The following ULK4 variants were observed in gnomAD, a reference collection of about 807,000 sequenced individuals.
ULK4 encodes inactive serine/threonine-protein kinase ULK4.
Under a neutral mutation model 160.6 loss-of-function variants are expected in ULK4, and 133 were observed. The observed-to-expected ratio is 0.83, with a 90% CI of 0.72 to 0.96. The LOEUF (loss-of-function observed/expected upper bound fraction) is 0.96, where lower values mean the gene tolerates loss of function less well. ULK4 is among the 40% of genes least tolerant of loss of function. ULK4 has a pLI of 0.00. For synonymous variants in ULK4, 534 were observed against 539.8 expected (o/e 0.99, Z 0.15); for missense variants, 1,580 against 1,499.5 (o/e 1.05, Z -0.89).
intron 5 of ULK4, among the ~76,000 whole-genome samples, chr3:41,923,803 C>A (rs941848841): frequency 6.6e-6 from 1 of 152,194 alleles, no homozygotes; most frequent in Non-Finnish European, 1.5e-5. Context: ...AAACTCTTTT[C>A]ATAAATCAGC....
intron 22 of ULK4, among the ~76,000 whole-genome samples, chr3:41,750,995 A>C (rs1193679785): frequency 4.2e-5 from 5 of 118,942 alleles, no homozygotes; most frequent in African/African-American, 1.6e-4. Context: ...AAAGAGAGAG[A>C]GAGAGGAAGG....
rs775672362 is a variant in ULK4, at chr3:41,715,518, T to C, written c.2506A>G (p.Thr836Ala). Residue 836 changes from threonine to alanine, a missense_variant, in exon 24 of 37, where the codon ACA becomes GCA. Transcript: ENST00000301831. ...ANVSGRKHPS[T>A]VQVKQLKLCL... ...AACTTCAGCTGTTTCACTTGAACTGTTGATGGGTGTTTACGTCCAGAAACA... is the reference window on the plus strand; with the variant it reads ...AACTTCAGCTGTTTCACTTGAACTGCTGATGGGTGTTTACGTCCAGAAACA... 1.2e-6 allele frequency: 2 copies of C among 1,614,014 alleles called. No homozygotes were observed. Among genetic ancestry groups the C allele is most frequent in the Non-Finnish European group, 8.5e-7 (1 of 1,180,002 alleles).
intron 32 of ULK4, among the ~76,000 whole-genome samples, chr3:41,530,803 T>C (rs2086282034): frequency 6.6e-6 from 1 of 152,106 alleles, no homozygotes; most frequent in African/African-American, 2.4e-5. Context: ...CTCGCTCTGT[T>C]GCCAGGCTGG....
intron 35 of ULK4, among the ~76,000 whole-genome samples, chr3:41,371,467 T>C (rs1007524196): frequency 4.6e-5 from 7 of 152,190 alleles, no homozygotes; most frequent in African/African-American, 1.7e-4. Context: ...CAATCTTTGC[T>C]GTTCTGCAGC....
At chr3:41,447,704 T>C (rs934382646) in intron 34 of ULK4, among the ~76,000 whole-genome samples, 9 of 152,160 alleles carry the variant, frequency 5.9e-5, no homozygotes, top group African/African-American at 9.7e-5. Flanking sequence ...GGTTTTTATG[T>C]ATTGCGGTGG....
chr3:41,672,491 A>G (rs1431313289), intron 29 of ULK4, among the ~76,000 whole-genome samples: 2 of 152,184 alleles, frequency 1.3e-5, no homozygotes, highest in Non-Finnish European at 2.9e-5. Flanking sequence ...GGAAGCCAAA[A>G]AAGTTTCTCT....
chr3:41,950,713 T>C (rs1293332415), intron 2 of ULK4, among the ~76,000 whole-genome samples: 1 of 151,852 alleles, frequency 6.6e-6, no homozygotes, highest in Non-Finnish European at 1.5e-5. Flanking sequence ...TTAACAAATG[T>C]ACAATCGAAA....
At chr3:41,614,226 G>A (rs1460110137) in intron 31 of ULK4, among the ~76,000 whole-genome samples, 2 of 152,136 alleles carry the variant, frequency 1.3e-5, no homozygotes, top group African/African-American at 4.8e-5. Context: ...ACAGCAAAAG[G>A]ATGAATCATG....
intron 30 of ULK4, among the ~76,000 whole-genome samples, chr3:41,637,021 T>C (rs544658549): frequency 6.6e-6 from 1 of 152,210 alleles, no homozygotes; most frequent in African/African-American, 2.4e-5. Context: ...GTATACATCA[T>C]GGAATGGCTA....
intron 35 of ULK4, among the ~76,000 whole-genome samples, chr3:41,323,279 A>G (rs1299321863): frequency 1.3e-5 from 2 of 152,084 alleles, no homozygotes; most frequent in East Asian, 3.9e-4. Flanking sequence ...CACACACGTC[A>G]AAGGCATATT....
chr3:41,256,796 A>G (rs2078844027), intron 35 of ULK4, among the ~76,000 whole-genome samples: 1 of 152,240 alleles, frequency 6.6e-6, no homozygotes, highest in Admixed American at 6.5e-5. Flanking sequence ...ATAGACTTGG[A>G]GAAAATATTT....
intron 30 of ULK4, among the ~76,000 whole-genome samples, chr3:41,627,879 G>T (rs1263649796): frequency 6.6e-6 from 1 of 152,114 alleles, no homozygotes; most frequent in Non-Finnish European, 1.5e-5. Context: ...ATGTGGGGAG[G>T]GGCAGGCATG....
chr3:41,808,141 T>G (rs566243937), intron 19 of ULK4, among the ~76,000 whole-genome samples: 1 of 152,290 alleles, frequency 6.6e-6, no homozygotes, highest in East Asian at 1.9e-4. Flanking sequence ...AGAGATAAGC[T>G]GTATCCTCTA....
intron 35 of ULK4, among the ~76,000 whole-genome samples, chr3:41,299,601 A>G (rs1381025250): frequency 6.6e-6 from 1 of 152,192 alleles, no homozygotes; most frequent in Non-Finnish European, 1.5e-5. Context: ...TGATTTGTTA[A>G]TGCTGCAATA....
chr3:41,800,061 T>G, intron 20 of ULK4, 71 bp downstream of exon 20: 1 of 1,307,380 alleles, frequency 7.6e-7, no homozygotes, highest in Middle Eastern at 2.5e-4. Flanking sequence ...TTTATTCTTA[T>G]TCTAATATTT....
intron 21 of ULK4, among the ~76,000 whole-genome samples, chr3:41,781,010 G>A (rs1039295432): frequency 2.0e-5 from 3 of 151,972 alleles, no homozygotes; most frequent in Admixed American, 6.6e-5. Flanking sequence ...AGAAAGAGAA[G>A]ATAGAGGCAG....
At chr3:41,617,561 AAAC>A (rs1481404165) in intron 30 of ULK4, among the ~76,000 whole-genome samples, 2 of 149,954 alleles carry the variant, frequency 1.3e-5, no homozygotes, top group African/African-American at 2.5e-5. Flanking sequence ...AACAAACAGA[AAAC>A]AACAACATCA....
chr3:41,371,578 C>T (rs1048628678), intron 35 of ULK4, among the ~76,000 whole-genome samples: 17 of 152,190 alleles, frequency 1.1e-4, no homozygotes, highest in Admixed American at 1.0e-3. Flanking sequence ...GAAAAACTAA[C>T]AAACAGAAAG....
chr3:41,637,667 A>G (rs1038619363), intron 30 of ULK4, among the ~76,000 whole-genome samples: 7 of 152,162 alleles, frequency 4.6e-5, no homozygotes, highest in African/African-American at 1.7e-4. Context: ...ACAATGTGTA[A>G]GAGTTCCCTT....
Sources: allele counts gnomAD v4.1 joint callset (sites outside exome capture counted in the v4.1 genomes callset), GRCh38; gene constraint gnomAD v4.1.1; transcripts MANE v1.5; gene names NCBI Gene and HGNC (gene_info 2026-07-23, HGNC 2026-07-21).